Variants in DAPK1 observed in about 807,000 individuals in gnomAD.
The protein encoded by DAPK1 is death-associated protein kinase 1.
Under a neutral mutation model 144.9 loss-of-function variants are expected in DAPK1, and 56 were observed. That is an observed-to-expected ratio of 0.39 (90% CI 0.31 to 0.48). The LOEUF (loss-of-function observed/expected upper bound fraction) is 0.48, where lower values mean the gene tolerates loss of function less well. DAPK1 is among the 20% of genes least tolerant of loss of function. The probability of loss-of-function intolerance (pLI) is 0.95; values close to 1 mark genes in which losing one functional copy is unlikely to be tolerated. For missense variants in DAPK1, 1,454 were observed against 1,875.4 expected (o/e 0.78, Z 4.15); for synonymous variants, 690 against 749.0 (o/e 0.92, Z 1.29).
chr9:87,679,784 A>G (rs536863323), intron 19 of DAPK1, among the ~76,000 whole-genome samples: 11 of 152,282 alleles, frequency 7.2e-5, no homozygotes, highest in Admixed American at 6.5e-4. Context: ...ATGGAAAAAG[A>G]AGAAAGTAAT....
intron 2 of DAPK1, among the ~76,000 whole-genome samples, chr9:87,561,322 C>G (rs982034253): frequency 1.3e-5 from 2 of 152,020 alleles, no homozygotes; most frequent in Non-Finnish European, 2.9e-5. Flanking sequence ...GTCAGGAGAT[C>G]GAGACCAGCC....
chr9:87,593,654 C>G (rs1222120728), intron 2 of DAPK1, among the ~76,000 whole-genome samples: 1 of 152,170 alleles, frequency 6.6e-6, no homozygotes, highest in Non-Finnish European at 1.5e-5. Context: ...TGACTTTCTT[C>G]TTCTTCTTTT....
chr9:87,686,729 T>A lies in DAPK1; in HGVS notation c.2403T>A (p.Ala801=), dbSNP rs1172953465. Residue 801 remains alanine (A), a synonymous_variant, in exon 21 of 26, where the codon GCT becomes GCA. Transcript: ENST00000408954. This position sits in a 1 kb window ranked among gnomAD's most constrained non-coding sequence, Gnocchi z 4.2. ...CCAAGGCCATCGACATCCAGAACGC[T>A]TATTTGAATGGTATGCCCTGCCTGC... ...QSTKAIDIQN[A]YLNGVGDFSV... 1 of 1,610,920 alleles carries A rather than the reference T, an allele frequency of 6.2e-7. No individual in the cohort carries two copies.
At chr9:87,671,054 T>C (rs974196798) in intron 19 of DAPK1, among the ~76,000 whole-genome samples, 7 of 152,210 alleles carry the variant, frequency 4.6e-5, no homozygotes, top group African/African-American at 1.7e-4. Flanking sequence ...AGTGTTGCAC[T>C]AGCCGGGGAT....
chr9:87,649,429 C>T (rs949971447), intron 15 of DAPK1, among the ~76,000 whole-genome samples: 4 of 152,212 alleles, frequency 2.6e-5, no homozygotes, highest in African/African-American at 9.6e-5. Context: ...ATACTGTTAC[C>T]ACTCACCTTG....
At chr9:87,657,858 G>A in intron 17 of DAPK1, 171 bp from the exon 18 acceptor site, 1 of 626,682 alleles carries the variant, frequency 1.6e-6, no homozygotes, top group Admixed American at 2.7e-5. Context: ...ACTTGGAAAG[G>A]TTCTGCCTGG....
chr9:87,629,900 T>A (rs556501421), intron 3 of DAPK1, among the ~76,000 whole-genome samples: 1 of 152,162 alleles, frequency 6.6e-6, no homozygotes, highest in Non-Finnish European at 1.5e-5. Flanking sequence ...AGCATCCACC[T>A]GCGTGCTGGG....
chr9:87,504,121 A>G (rs1253398523), intron 2 of DAPK1, among the ~76,000 whole-genome samples: 2 of 152,086 alleles, frequency 1.3e-5, no homozygotes, highest in East Asian at 1.9e-4. Flanking sequence ...ACCGCAGGCC[A>G]CCGGTGGGTT....
intron 3 of DAPK1, among the ~76,000 whole-genome samples, chr9:87,625,478 C>T (rs1829460540): frequency 6.6e-6 from 1 of 152,224 alleles, no homozygotes; most frequent in African/African-American, 2.4e-5. Flanking sequence ...AGGAGATGCA[C>T]ACGGTCAGCT....
intron 2 of DAPK1, among the ~76,000 whole-genome samples, chr9:87,542,645 C>G (rs527830544): frequency 6.6e-6 from 1 of 152,346 alleles, no homozygotes; most frequent in Admixed American, 6.5e-5. Flanking sequence ...ACCAAACCCT[C>G]TGAGGTAGGA....
Position 87,649,957 on chromosome 9 carries a change from G to A in DAPK1, c.1465G>A (p.Gly489Ser), listed in dbSNP as rs757060674. Residue 489 changes from glycine (G) to serine (S), a missense_variant, in exon 16 of 26, where the codon GGC becomes AGC. Gly to Ser is a moderately conservative substitution (Grantham distance 56). Coordinates refer to ENST00000408954, the MANE Select transcript of DAPK1 (RefSeq NM_004938.4). ...ETPLHCAAWH[G>S]YYSVAKALCE... Reference sequence around the variant, plus strand: ...CCCCCTGCACTGTGCTGCTTGGCACGGCTATTACTCTGTGGCCAAAGCCCT... The same window carrying A: ...CCCCCTGCACTGTGCTGCTTGGCACAGCTATTACTCTGTGGCCAAAGCCCT... 4.3e-6 allele frequency: 7 copies of A among 1,614,016 alleles called. No individual in the cohort carries two copies. The highest frequency in any genetic ancestry group is 4.5e-5 in the East Asian group (2 of 44,872).
chr9:87,597,616 T>G (rs1293154132), intron 2 of DAPK1, among the ~76,000 whole-genome samples: 4 of 152,062 alleles, frequency 2.6e-5, no homozygotes, highest in African/African-American at 7.2e-5. Context: ...CACATGCATG[T>G]CCTCATTTCA....
At chr9:87,540,478 G>A (rs530537548) in intron 2 of DAPK1, among the ~76,000 whole-genome samples, 3 of 152,182 alleles carry the variant, frequency 2.0e-5, no homozygotes, top group South Asian at 4.1e-4. Context: ...GGCATGAGCC[G>A]CCGTGCCTGG....
intron 2 of DAPK1, among the ~76,000 whole-genome samples, chr9:87,585,407 A>G (rs1380420495): frequency 6.6e-6 from 1 of 152,206 alleles, no homozygotes; most frequent in Non-Finnish European, 1.5e-5. Context: ...TGTAGCATGT[A>G]GGTTGTCTAT....
intron 2 of DAPK1, among the ~76,000 whole-genome samples, chr9:87,566,205 T>C (rs1320372528): frequency 6.6e-6 from 1 of 152,110 alleles, no homozygotes; most frequent in East Asian, 1.9e-4. Context: ...GTATTTTTAG[T>C]AGAGATGGGG....
intron 4 of DAPK1, among the ~76,000 whole-genome samples, chr9:87,638,505 A>T (rs1829980630): frequency 6.6e-6 from 1 of 152,224 alleles, no homozygotes. Context: ...CAGATTGGCT[A>T]ATTGGGGCAT....
At chr9:87,540,284 C>T (rs1004354792) in intron 2 of DAPK1, among the ~76,000 whole-genome samples, 11 of 150,208 alleles carry the variant, frequency 7.3e-5, no homozygotes, top group African/African-American at 1.2e-4. Context: ...CTGCCTCCCG[C>T]GCCCAAGTGA....
At chr9:87,508,811 G>T (rs1418402709) in intron 2 of DAPK1, among the ~76,000 whole-genome samples, 3 of 152,086 alleles carry the variant, frequency 2.0e-5, no homozygotes, top group Non-Finnish European at 4.4e-5. Flanking sequence ...TGTCTGCCTA[G>T]CACCTCATAT....
At chr9:87,614,601 C>CT (rs768153552) in intron 3 of DAPK1, among the ~76,000 whole-genome samples, 7 of 152,202 alleles carry the variant, frequency 4.6e-5, no homozygotes, top group Non-Finnish European at 7.3e-5. Flanking sequence ...TTTTGGCCAA[C>CT]TGCTTCCCCA....
Sources: allele counts gnomAD v4.1 joint callset (sites outside exome capture counted in the v4.1 genomes callset), GRCh38; gene constraint gnomAD v4.1.1; non-coding constraint Gnocchi (gnomAD v3.1); transcripts MANE v1.5; gene names NCBI Gene and HGNC (gene_info 2026-07-23, HGNC 2026-07-21).